AIM2: variants seen among roughly 807,000 people sequenced by gnomAD.
AIM2 encodes the protein absent in melanoma 2.
In AIM2, 30 loss-of-function variants were observed where a neutral mutation model predicts 27.7. The observed-to-expected ratio is 1.08, with a 90% CI of 0.81 to 1.47. AIM2 has a LOEUF of 1.47. Ranked by LOEUF, AIM2 falls within the 40% of genes most tolerant of loss-of-function variation. The pLI is 0.00. For missense variants in AIM2, 358 were observed against 411.3 expected (o/e 0.87, Z 1.12); for synonymous variants, 141 against 145.3 (o/e 0.97, Z 0.21).
intron 1 of AIM2, among the ~76,000 whole-genome samples, chr1:159,123,792 C>G (rs376275868): frequency 6.6e-6 from 1 of 152,160 alleles, no homozygotes; most frequent in African/African-American, 2.4e-5. Flanking sequence ...ACCACAGTGT[C>G]GGAAGGTAGC....
At chr1:159,060,293 T>TA (rs1553213288), downstream of AIM2, among the ~76,000 whole-genome samples, 1 of 152,238 alleles carries the variant, frequency 6.6e-6, no homozygotes, top group Non-Finnish European at 1.5e-5. Context: ...TGAGTCTCTT[T>TA]AAAGTTTCAT....
intron 1 of AIM2, among the ~76,000 whole-genome samples, chr1:159,137,878 T>C (rs1310877010): frequency 6.6e-6 from 1 of 152,166 alleles, no homozygotes; most frequent in African/African-American, 2.4e-5. Context: ...GTGAACGACA[T>C]CCCTCATGAG....
At chr1:159,067,696 T>C (rs1304278207) in intron 3 of AIM2, among the ~76,000 whole-genome samples, 1 of 152,144 alleles carries the variant, frequency 6.6e-6, no homozygotes, top group Non-Finnish European at 1.5e-5. Flanking sequence ...TCCTGAAAAA[T>C]CCAGAAGTTT....
intron 1 of AIM2, among the ~76,000 whole-genome samples, chr1:159,119,791 T>G (rs547374696): frequency 6.6e-6 from 1 of 152,168 alleles, no homozygotes; most frequent in South Asian, 2.1e-4. Context: ...TGTGTGTGCA[T>G]GTGTTTGTGT....
chr1:159,056,729 A>AC, the AIM2 span, among the ~76,000 whole-genome samples: 6 of 134,526 alleles, frequency 4.5e-5, no homozygotes, highest in Non-Finnish European at 6.6e-5. Context: ...AAAAAAAAAA[A>AC]AAAAAAAAAA....
intron 1 of AIM2, among the ~76,000 whole-genome samples, chr1:159,083,208 T>C (rs1259295251): frequency 6.6e-6 from 1 of 152,154 alleles, no homozygotes; most frequent in Non-Finnish European, 1.5e-5. Context: ...TAATCAACAA[T>C]TGTGAAATGA....
chr1:159,134,866 C>T lies in AIM2; in HGVS notation c.-16+5565G>A, dbSNP rs565935895. Among the ~76,000 whole-genome samples, 336 of 152,230 alleles carry T rather than the reference C, an allele frequency of 2.2e-3. 4 individuals are homozygous for T. Among genetic ancestry groups the T allele is most frequent in the Middle Eastern group, 0.014 (4 of 294 alleles). On this transcript the variant is annotated intron_variant, in intron 1 of 2. Transcript: ENST00000368129. ...AGAAAGAAAAAAAGCCCTTCATGCA[C>T]GGCATTCTCCCTCCCTCTACAAAAG...
chr1:159,143,343 A>G (rs940894439), upstream of AIM2, among the ~76,000 whole-genome samples: 4 of 152,296 alleles, frequency 2.6e-5, no homozygotes, highest in Middle Eastern at 3.4e-3. Context: ...GGAGCTCAGA[A>G]AAATGAGACT....
chr1:159,144,690 C>T (rs1648171733), upstream of AIM2, among the ~76,000 whole-genome samples: 1 of 152,124 alleles, frequency 6.6e-6, no homozygotes, highest in African/African-American at 2.4e-5. Context: ...ATTACTCATA[C>T]CTCTAATTGA....
At position 159,123,217 on chromosome 1, in the gene AIM2, T is replaced by TA. The variant is rs200015716; in HGVS notation, c.-16+17213dup. ...TTACATACAAATAAAAACACCATTA[T>TA]AAAAAAAATACTCTCTGCATTTCCC... On this transcript the variant is annotated intron_variant, in intron 1 of 2. Transcript: ENST00000368129. 9.6e-3 allele frequency among the ~76,000 whole-genome samples: 1,457 copies of TA among 152,078 alleles called. 13 individuals are homozygous for TA. Among genetic ancestry groups the TA allele is most frequent in the Non-Finnish European group, 0.016 (1,078 of 67,952 alleles).
chr1:159,090,176 T>C (rs1018362413), intron 1 of AIM2, among the ~76,000 whole-genome samples: 3 of 152,188 alleles, frequency 2.0e-5, no homozygotes, highest in African/African-American at 7.2e-5. Flanking sequence ...CAACCCAGTT[T>C]CCCTCTCTCC....
intron 1 of AIM2, among the ~76,000 whole-genome samples, chr1:159,115,632 T>C (rs945455996): frequency 6.6e-6 from 1 of 152,228 alleles, no homozygotes; most frequent in Non-Finnish European, 1.5e-5. Flanking sequence ...GCTAGCCATA[T>C]GTAGAAAGCT....
chr1:159,058,920 T>A (rs920805815), downstream of AIM2, among the ~76,000 whole-genome samples: 2 of 152,088 alleles, frequency 1.3e-5, no homozygotes, highest in Non-Finnish European at 2.9e-5. Context: ...CCAGGTTCCA[T>A]CCAGGAAGAG....
intron 1 of AIM2, among the ~76,000 whole-genome samples, chr1:159,099,768 C>A (rs1244517134): frequency 6.6e-6 from 1 of 152,164 alleles, no homozygotes; most frequent in Non-Finnish European, 1.5e-5. Flanking sequence ...GCTTTCAGGC[C>A]TAACCTTGCC....
At chr1:159,111,496 C>T (rs1443515621) in intron 1 of AIM2, among the ~76,000 whole-genome samples, 1 of 151,982 alleles carries the variant, frequency 6.6e-6, no homozygotes, top group Non-Finnish European at 1.5e-5. Context: ...AGAACTTGCT[C>T]CTAAACAGTT....
intron 1 of AIM2, among the ~76,000 whole-genome samples, chr1:159,095,904 G>A (rs1657171682): frequency 6.6e-6 from 1 of 152,150 alleles, no homozygotes; most frequent in African/African-American, 2.4e-5. Context: ...AGTGAAAGGA[G>A]GGATCAAATT....
Position 159,075,534 on chromosome 1 carries a change from T to TACACACAC in AIM2, c.-21+1091_-21+1098dup, listed in dbSNP as rs55988373. Among the ~76,000 whole-genome samples, 508 of 129,530 alleles carry TACACACAC rather than the reference T, an allele frequency of 3.9e-3. 5 individuals carry two copies. Among genetic ancestry groups the TACACACAC allele is most frequent in the African/African-American group, 0.011 (362 of 34,174 alleles). 85.0% of individuals were successfully genotyped at this position (129,530 alleles called of 152,430 possible). On this transcript the variant is annotated intron_variant, in intron 1 of 5. Transcript: ENST00000368130. Reference sequence around the variant, plus strand: ...GCAAAAACTGGGCAGATACCTGCAATACACACACACACACACACACACACA... The same window carrying TACACACAC: ...GCAAAAACTGGGCAGATACCTGCAATACACACACACACACACACACACACACACACACA...
the AIM2 span, among the ~76,000 whole-genome samples, chr1:159,056,217 T>C: frequency 6.6e-6 from 1 of 152,124 alleles, no homozygotes; most frequent in Non-Finnish European, 1.5e-5. Context: ...CTTGTGGGCT[T>C]CCCACCTGGC....
chr1:159,130,799 ACCAC>A (rs1647849287), intron 1 of AIM2, among the ~76,000 whole-genome samples: 1 of 88,304 alleles, frequency 1.1e-5, no homozygotes, highest in African/African-American at 4.6e-5. Flanking sequence ...AAGCCTGGTC[ACCAC>A]ACACACACAC....
Sources: gnomAD v4.1 joint callset for allele counts (sites outside exome capture counted in the v4.1 genomes callset) on GRCh38, gnomAD v4.1.1 for gene constraint, MANE v1.5 for transcripts, NCBI Gene and HGNC (gene_info 2026-07-23, HGNC 2026-07-21) for gene names.